Variants in SCHIP1 observed in about 807,000 individuals in gnomAD.
The protein encoded by SCHIP1 is schwannomin-interacting protein 1.
A neutral mutation model predicts 29.7 loss-of-function variants in SCHIP1; 8 were observed. That is an observed-to-expected ratio of 0.27 (90% confidence interval 0.16 to 0.49). SCHIP1 has a LOEUF of 0.49. Ranked by LOEUF, SCHIP1 falls within the 20% of genes least tolerant of loss-of-function variation. The pLI is 0.99. For missense variants in SCHIP1, 193 were observed against 294.6 expected, an observed-to-expected ratio of 0.66 and a Z score of 2.52; for synonymous variants, 76 against 94.9, an observed-to-expected ratio of 0.80 and a Z score of 1.16.
intron 6 of SCHIP1, chr3:159,893,205 T>C (rs957004079): frequency 1.3e-5 from 2 of 152,206 alleles, no homozygotes; most frequent in African/African-American, 2.4e-5. Context: ...TGGAAAAATA[T>C]GTTTAAGCTT....
the SCHIP1 span, among the ~76,000 whole-genome samples, chr3:159,370,022 C>T: frequency 6.6e-6 from 1 of 152,134 alleles, no homozygotes; most frequent in East Asian, 1.9e-4. Context: ...AAGTACCAAC[C>T]GTGTGACCTC....
chr3:159,665,464 G>A, the SCHIP1 span, among the ~76,000 whole-genome samples: 9 of 152,006 alleles, frequency 5.9e-5, no homozygotes, highest in South Asian at 2.1e-4. Flanking sequence ...GCACTCAGAC[G>A]AGCCCCTGTT....
the SCHIP1 span, among the ~76,000 whole-genome samples, chr3:159,677,302 C>G: frequency 6.6e-6 from 1 of 152,186 alleles, no homozygotes; most frequent in East Asian, 1.9e-4. Context: ...CTCAGAGGCC[C>G]AAGGAGTGGC....
the SCHIP1 span, among the ~76,000 whole-genome samples, chr3:159,570,135 C>T: frequency 2.0e-5 from 3 of 152,302 alleles, no homozygotes; most frequent in East Asian, 1.9e-4. Flanking sequence ...TGTGCAGAAG[C>T]TCTTTAGTTT....
the SCHIP1 span, among the ~76,000 whole-genome samples, chr3:159,391,856 T>C: frequency 6.6e-6 from 1 of 152,160 alleles, no homozygotes; most frequent in African/African-American, 2.4e-5. Flanking sequence ...GGCTTACCCA[T>C]GTCTACACAG....
At chr3:159,587,704 G>A in the SCHIP1 span, among the ~76,000 whole-genome samples, 1 of 152,114 alleles carries the variant, frequency 6.6e-6, no homozygotes, top group African/African-American at 2.4e-5. Flanking sequence ...CCACCTGTGA[G>A]TGAGAACATG....
the SCHIP1 span, among the ~76,000 whole-genome samples, chr3:159,477,878 T>G: frequency 6.6e-6 from 1 of 151,952 alleles, no homozygotes; most frequent in South Asian, 2.1e-4. Flanking sequence ...ACTTTTTGTG[T>G]TTTCTTCTAG....
At chr3:159,490,668 A>C in the SCHIP1 span, among the ~76,000 whole-genome samples, 3 of 152,232 alleles carry the variant, frequency 2.0e-5, no homozygotes, top group Non-Finnish European at 4.4e-5. Flanking sequence ...GGTGTACCAA[A>C]GCTGTGGATA....
At chr3:159,282,986 C>A in the SCHIP1 span, among the ~76,000 whole-genome samples, 1 of 151,814 alleles carries the variant, frequency 6.6e-6, no homozygotes, top group Non-Finnish European at 1.5e-5. Context: ...ACTTTAATAG[C>A]AATTGCATCA....
chr3:159,721,948 A>T, the SCHIP1 span: 22 of 410,778 alleles, frequency 5.4e-5, no homozygotes, highest in Non-Finnish European at 4.8e-6. Flanking sequence ...TCATAAAGGC[A>T]GTCCTCTGTG....
the SCHIP1 span, among the ~76,000 whole-genome samples, chr3:159,599,301 T>C: frequency 3.0e-4 from 45 of 152,320 alleles, no homozygotes; most frequent in African/African-American, 1.1e-3. Flanking sequence ...ACAAGTGGTT[T>C]GGTTACATGA....
the SCHIP1 span, among the ~76,000 whole-genome samples, chr3:159,510,500 G>T: frequency 2.0e-5 from 3 of 151,990 alleles, no homozygotes; most frequent in Non-Finnish European, 4.4e-5. Context: ...GCTTTGTTCC[G>T]TTGCTGGTAA....
At chr3:159,524,234 T>C in the SCHIP1 span, among the ~76,000 whole-genome samples, 1 of 152,248 alleles carries the variant, frequency 6.6e-6, no homozygotes, top group Non-Finnish European at 1.5e-5. Flanking sequence ...GCAGATATTC[T>C]GCCATCCTCT....
At chr3:159,653,608 G>A in the SCHIP1 span, among the ~76,000 whole-genome samples, 1 of 151,812 alleles carries the variant, frequency 6.6e-6, no homozygotes, top group African/African-American at 2.4e-5. Flanking sequence ...GTAAGGGAAG[G>A]GAGAGCATTA....
the SCHIP1 span, among the ~76,000 whole-genome samples, chr3:159,451,092 C>G: frequency 1.0e-3 from 156 of 152,198 alleles, 3 homozygotes; most frequent in South Asian, 0.028. Flanking sequence ...CAGGCTTGAG[C>G]CACTGCGCCC....
chr3:159,505,934 G>A, the SCHIP1 span, among the ~76,000 whole-genome samples: 30 of 152,242 alleles, frequency 2.0e-4, no homozygotes, highest in African/African-American at 7.0e-4. Flanking sequence ...ATAAACATAC[G>A]TGTGCATGTC....
the SCHIP1 span, among the ~76,000 whole-genome samples, chr3:159,746,045 T>G: frequency 6.6e-6 from 1 of 152,196 alleles, no homozygotes; most frequent in Non-Finnish European, 1.5e-5. Flanking sequence ...TGCCATGGGG[T>G]GATAGTCTCT....
chr3:159,630,791 C>T, the SCHIP1 span, among the ~76,000 whole-genome samples: 1 of 152,116 alleles, frequency 6.6e-6, no homozygotes, highest in African/African-American at 2.4e-5. Context: ...GCGATGGGTG[C>T]ACCAAAATCT....
At chr3:159,404,512 G>C in the SCHIP1 span, among the ~76,000 whole-genome samples, 52 of 152,196 alleles carry the variant, frequency 3.4e-4, no homozygotes, top group African/African-American at 1.2e-3. Context: ...CTTGTCACAG[G>C]TGTGGGGTGG....
Sources: gnomAD v4.1 joint callset for allele counts (sites outside exome capture counted in the v4.1 genomes callset) on GRCh38, gnomAD v4.1.1 for gene constraint, MANE v1.5 for transcripts, NCBI Gene and HGNC (gene_info 2026-07-23, HGNC 2026-07-21) for gene names.